The following AUTS2 variants were observed in gnomAD, a reference collection of about 807,000 sequenced individuals.
AUTS2 encodes the protein activator of transcription and developmental regulator AUTS2, also known as autism susceptibility gene 2 protein.
A neutral mutation model predicts 112.4 loss-of-function variants in AUTS2; 17 were observed. The observed-to-expected ratio is 0.15, with a 90% CI of 0.10 to 0.23. The LOEUF (loss-of-function observed/expected upper bound fraction) is 0.23, where lower values mean the gene tolerates loss of function less well. AUTS2 is among the 10% of genes least tolerant of loss of function. AUTS2 has a pLI of 1.00. For missense variants in AUTS2, 1,510 were observed against 1,701.6 expected (o/e 0.89, Z 1.98); for synonymous variants, 751 against 702.7 (o/e 1.07, Z -1.09).
At chr7:70,431,772 C>A (rs1041351126) in intron 4 of AUTS2, among the ~76,000 whole-genome samples, 4 of 152,230 alleles carry the variant, frequency 2.6e-5, no homozygotes, top group African/African-American at 9.6e-5. Flanking sequence ...GAAGACTGTG[C>A]CTCCAGCAGT....
chr7:70,216,928 G>C (rs979306379), intron 4 of AUTS2, among the ~76,000 whole-genome samples: 3 of 152,038 alleles, frequency 2.0e-5, no homozygotes, highest in Non-Finnish European at 2.9e-5. Context: ...ACTGTTTTTT[G>C]AGACAGAATC....
At chr7:70,624,945 C>G (rs891035998) in intron 5 of AUTS2, among the ~76,000 whole-genome samples, 1 of 152,040 alleles carries the variant, frequency 6.6e-6, no homozygotes, top group African/African-American at 2.4e-5. Flanking sequence ...AGCAGGGAGG[C>G]GAATCCTGAG....
intron 1 of AUTS2, among the ~76,000 whole-genome samples, chr7:69,816,988 C>A (rs938072697): frequency 6.6e-6 from 1 of 152,180 alleles, no homozygotes; most frequent in African/African-American, 2.4e-5. Flanking sequence ...AACCTCAGTT[C>A]TTTCATCAGC....
In AUTS2 at chr7:70,390,999, C is replaced by A. The variant is rs143573456; in HGVS notation, c.661-44753C>A. The stretch of plus-strand genomic sequence containing the variant: ...AACTGTAAAACCATATCCTGATAAC[C>A]TGTGAAGGAACTGAATGCCCTAGAC... On this transcript the variant is annotated intron_variant, in intron 4 of 18. Transcript: ENST00000342771. Among the ~76,000 whole-genome samples the A allele has an allele frequency of 5.3e-5, 8 of 152,274 alleles. No homozygotes were observed. The East Asian group carries it at 1.4e-3, about 26-fold the overall frequency.
chr7:70,368,671 G>A (rs1035206337), intron 4 of AUTS2, among the ~76,000 whole-genome samples: 2 of 152,186 alleles, frequency 1.3e-5, no homozygotes, highest in Non-Finnish European at 2.9e-5. Context: ...TCATCATAGA[G>A]CAGTCACATG....
intron 5 of AUTS2, among the ~76,000 whole-genome samples, chr7:70,588,392 C>T (rs768970191): frequency 3.3e-5 from 5 of 152,070 alleles, no homozygotes; most frequent in Non-Finnish European, 5.9e-5. Context: ...AGTGTGCAGC[C>T]GGTGGTTTAG....
At chr7:69,946,328 GA>G (rs1387013448) in intron 2 of AUTS2, among the ~76,000 whole-genome samples, 4 of 152,048 alleles carry the variant, frequency 2.6e-5, no homozygotes, top group Non-Finnish European at 4.4e-5. Flanking sequence ...TATAAATTGG[GA>G]CAGCATTATG....
At chr7:70,195,854 A>G (rs1562780393) in intron 4 of AUTS2, among the ~76,000 whole-genome samples, 1 of 152,150 alleles carries the variant, frequency 6.6e-6, no homozygotes, top group Non-Finnish European at 1.5e-5. Context: ...AGGAAAGGAA[A>G]CCTTGATTCG....
chr7:69,768,124 T>C (rs1788508017), intron 1 of AUTS2, among the ~76,000 whole-genome samples: 1 of 152,192 alleles, frequency 6.6e-6, no homozygotes, highest in Admixed American at 6.5e-5. Flanking sequence ...TGGTAAATGT[T>C]TTATCAGACA....
At chr7:70,280,322 TCC>T (rs1209006046) in intron 4 of AUTS2, among the ~76,000 whole-genome samples, 6 of 149,596 alleles carry the variant, frequency 4.0e-5, no homozygotes, top group African/African-American at 1.5e-4. Context: ...TCTCGCTCTG[TCC>T]CCAGGCTGGA....
At chr7:70,604,156 G>A (rs17141812) in intron 5 of AUTS2, among the ~76,000 whole-genome samples, 13,248 of 152,200 alleles carry the variant, frequency 0.087, 922 homozygotes, top group African/African-American at 0.19. Context: ...CTTTTTGATG[G>A]TCATTTCAGG....
At chr7:70,131,124 G>A (rs970287067) in intron 3 of AUTS2, among the ~76,000 whole-genome samples, 1 of 152,038 alleles carries the variant, frequency 6.6e-6, no homozygotes, top group Non-Finnish European at 1.5e-5. Flanking sequence ...AAGTCTCCAA[G>A]CAAAAAAATG....
At chr7:69,755,726 A>T (rs1409352859) in intron 1 of AUTS2, among the ~76,000 whole-genome samples, 1 of 152,172 alleles carries the variant, frequency 6.6e-6, no homozygotes, top group African/African-American at 2.4e-5. Context: ...ATGAATGCAC[A>T]GGGCAGAATA....
At chr7:70,539,151 G>A (rs1212309335) in intron 5 of AUTS2, among the ~76,000 whole-genome samples, 5 of 152,122 alleles carry the variant, frequency 3.3e-5, no homozygotes, top group Non-Finnish European at 7.4e-5. Flanking sequence ...AGGTAGAGTC[G>A]CAACCTGGTA....
At chr7:70,274,263 T>A (rs1188700792) in intron 4 of AUTS2, among the ~76,000 whole-genome samples, 1 of 152,168 alleles carries the variant, frequency 6.6e-6, no homozygotes, top group Admixed American at 6.5e-5. Context: ...TTTCCTTCCC[T>A]TAAAAGGGCT....
At chr7:69,729,419 A>ACCCC in intron 1 of AUTS2, among the ~76,000 whole-genome samples, 1 of 60,480 alleles carries the variant, frequency 1.7e-5, no homozygotes, top group African/African-American at 5.3e-5. Flanking sequence ...GTCCCCCAAC[A>ACCCC]CCCCCCCCCC....
intron 5 of AUTS2, among the ~76,000 whole-genome samples, chr7:70,665,451 C>CTATTTATCTATTTATTTATTTATT (rs1554455006): frequency 8.5e-4 from 125 of 147,116 alleles, no homozygotes; most frequent in African/African-American, 3.1e-3. Context: ...ATCTATTTAT[C>CTATTTATCTATTTATTTATTTATT]TATTTATTTA....
At chr7:69,641,204 A>T (rs910664203) in intron 1 of AUTS2, among the ~76,000 whole-genome samples, 2 of 152,232 alleles carry the variant, frequency 1.3e-5, no homozygotes, top group Admixed American at 1.3e-4. Context: ...AATGAACAGA[A>T]ATAGGACACA....
rs746281028 is a variant in AUTS2 at position 70,791,017 on chromosome 7, C to G, written c.*21C>G. The G allele has an allele frequency of 7.5e-6, 11 of 1,473,218 alleles. No homozygotes were observed. Among genetic ancestry groups the G allele is most frequent in the African/African-American group, 1.4e-5 (1 of 70,720 alleles). 91.3% of individuals were successfully genotyped at this position (1,473,218 alleles called of 1,614,324 possible). A position where few individuals can be genotyped will look rare whatever the true frequency, so the allele number is the denominator to read the frequency against. ...GATAAGCCGAGAACAGGAGCAAGAA[C>G]GAGGAAGAAGAAACCCTAGGCAGAC... On this transcript the variant is annotated 3_prime_UTR_variant, in exon 19 of 19. Transcript: ENST00000342771.
Sources: gnomAD v4.1 joint callset for allele counts (sites outside exome capture counted in the v4.1 genomes callset) on GRCh38, gnomAD v4.1.1 for gene constraint, MANE v1.5 for transcripts, NCBI Gene and HGNC (gene_info 2026-07-23, HGNC 2026-07-21) for gene names.